EPCAM: variants seen among roughly 807,000 people sequenced by gnomAD.
EPCAM encodes the protein adenocarcinoma-associated antigen.
In EPCAM, 39 loss-of-function variants were observed where a neutral mutation model predicts 40.0. The observed-to-expected ratio is 0.98, with a 90% CI of 0.76 to 1.27. EPCAM has a LOEUF of 1.27. Ranked by LOEUF, EPCAM falls within the 50% of genes most tolerant of loss-of-function variation. EPCAM has a pLI of 0.00. For missense variants in EPCAM, 503 were observed against 381.2 expected (o/e 1.32, Z -2.66); for synonymous variants, 168 against 132.3 (o/e 1.27, Z -1.85).
At chr2:47,369,992 C>G (rs1329214582) in intron 1 of EPCAM, among the ~76,000 whole-genome samples, 1 of 152,218 alleles carries the variant, frequency 6.6e-6, no homozygotes, top group East Asian at 1.9e-4. Flanking sequence ...CAGGGACCAG[C>G]GGGCTCGCCC....
At chr2:47,372,107 A>G (rs111922035) in intron 1 of EPCAM, among the ~76,000 whole-genome samples, 2 of 152,320 alleles carry the variant, frequency 1.3e-5, no homozygotes, top group African/African-American at 4.8e-5. Context: ...GCTGCTTAGT[A>G]TCACTTTCCT....
At position 47,369,410 on chromosome 2, in the gene EPCAM, C is replaced by T; in HGVS notation, c.-96C>T. On this transcript the variant is annotated 5_prime_UTR_variant, in exon 1 of 9. Coordinates refer to ENST00000263735, the MANE Select transcript of EPCAM (RefSeq NM_002354.3). Reference sequence around the variant, plus strand: ...GCGGACCCGCGTGCCCCAGGCCTCGCGCTGCCCGGCCGGCTCCTCGTGTCC... The same window carrying T: ...GCGGACCCGCGTGCCCCAGGCCTCGTGCTGCCCGGCCGGCTCCTCGTGTCC... 2.4e-6 allele frequency: 3 copies of T among 1,257,562 alleles called. No individual in the cohort carries two copies. The highest frequency in any genetic ancestry group is 3.1e-6 in the Non-Finnish European group (3 of 970,738). 77.9% of individuals were successfully genotyped at this position (1,257,562 alleles called of 1,614,324 possible).
intron 4 of EPCAM, among the ~76,000 whole-genome samples, chr2:47,376,056 G>T (rs1265906530): frequency 1.3e-5 from 2 of 152,110 alleles, no homozygotes; most frequent in East Asian, 3.9e-4. Context: ...ATTGTCCTTT[G>T]TAGTAATTTT....
chr2:47,372,865 C>A (rs1671311530), intron 1 of EPCAM, among the ~76,000 whole-genome samples: 1 of 151,836 alleles, frequency 6.6e-6, no homozygotes, highest in South Asian at 2.1e-4. Context: ...TTCACAAAGA[C>A]AAAGCTAGAA....
intron 7 of EPCAM, among the ~76,000 whole-genome samples, chr2:47,380,326 A>T (rs1319091765): frequency 6.6e-6 from 1 of 152,170 alleles, no homozygotes; most frequent in African/African-American, 2.4e-5. Flanking sequence ...CAAAAAGAAG[A>T]AAAAAGGAAA....
chr2:47,373,414 G>C lies in EPCAM; in HGVS notation c.77-49G>C, dbSNP rs2103745330. On this transcript the variant is annotated intron_variant, in intron 1 of 8. Coordinates refer to ENST00000263735, the MANE Select transcript of EPCAM (RefSeq NM_002354.3). Reference sequence around the variant, plus strand: ...ACAATATAACTTAGCTGGGACATGAGAGTTAATAGATCCACATTTTAAAGT... The same window carrying C: ...ACAATATAACTTAGCTGGGACATGACAGTTAATAGATCCACATTTTAAAGT... The C allele has an allele frequency of 2.6e-6, 3 of 1,135,040 alleles. No homozygotes were observed. In the East Asian group the frequency reaches 7.5e-5, roughly 28 times the overall value. 70.3% of individuals were successfully genotyped at this position (1,135,040 alleles called of 1,614,324 possible).
At chr2:47,385,455 T>G (rs573085219) in intron 8 of EPCAM, among the ~76,000 whole-genome samples, 3 of 152,198 alleles carry the variant, frequency 2.0e-5, no homozygotes, top group Non-Finnish European at 4.4e-5. Flanking sequence ...GTTTTTATTC[T>G]ACAAAGAGTC....
chr2:47,375,845 A>C (rs1443261617), intron 4 of EPCAM, among the ~76,000 whole-genome samples: 1 of 151,822 alleles, frequency 6.6e-6, no homozygotes, highest in African/African-American at 2.4e-5. Flanking sequence ...AGCTGGGACT[A>C]CAGGTGCCTG....
At position 47,379,544 on chromosome 2, in the gene EPCAM, T is replaced by C. The variant is rs3923560; in HGVS notation, c.658-225T>C. 0.1 allele frequency among the ~76,000 whole-genome samples: 15,794 copies of C among 152,150 alleles called. 957 individuals are homozygous for C. The highest frequency in any genetic ancestry group is 0.25 in the East Asian group (1,303 of 5,166). ...ATGTGTTGTTGGCCTTGCATCTGGG[T>C]GATAGGTACATGGGCATCATTGCAC... On this transcript the variant is annotated intron_variant, in intron 6 of 8. Transcript: ENST00000263735.
At chr2:47,376,954 C>T (rs2103753029) in intron 4 of EPCAM, 60 bp from the exon 5 acceptor site, 1 of 1,126,184 alleles carries the variant, frequency 8.9e-7, no homozygotes, top group Non-Finnish European at 1.4e-6. Context: ...AAGAGTAGTG[C>T]TTCTTACTGT....
intron 1 of EPCAM, among the ~76,000 whole-genome samples, chr2:47,372,425 G>T (rs1671294785): frequency 6.6e-6 from 1 of 151,724 alleles, no homozygotes; most frequent in South Asian, 2.1e-4. Flanking sequence ...GTTACCTGAG[G>T]TCAGGAGTCC....
At chr2:47,386,431 T>C in intron 8 of EPCAM, 141 bp from the exon 9 acceptor site, 1 of 628,740 alleles carries the variant, frequency 1.6e-6, no homozygotes. Flanking sequence ...TTTTTCTTTT[T>C]TTATTTAAAT....
chr2:47,373,338 C>A (rs1671330611), intron 1 of EPCAM, 125 bp from the exon 2 acceptor site: 1 of 665,474 alleles, frequency 1.5e-6, no homozygotes, highest in South Asian at 1.8e-5. Context: ...ATAAAACATT[C>A]AGAACCACTT....
At chr2:47,381,320 C>T (rs528990991) in intron 7 of EPCAM, among the ~76,000 whole-genome samples, 1 of 143,444 alleles carries the variant, frequency 7.0e-6, no homozygotes, top group Non-Finnish European at 1.5e-5. Context: ...CACTTGAACC[C>T]AGGAGGTGGA....
intron 4 of EPCAM, among the ~76,000 whole-genome samples, 172 bp downstream of exon 4, chr2:47,375,471 A>G (rs538775210): frequency 2.0e-5 from 3 of 152,314 alleles, no homozygotes; most frequent in South Asian, 4.1e-4. Context: ...CTTCACTCAG[A>G]TTCACCAATT....
At chr2:47,379,725 G>T (rs375966033) in intron 6 of EPCAM, 44 bp from the exon 7 acceptor site, 2 of 1,605,592 alleles carry the variant, frequency 1.2e-6, no homozygotes, top group African/African-American at 2.7e-5. Flanking sequence ...GCCATGGTTG[G>T]TTTCCTTAAA....
Position 47,387,007 on chromosome 2 carries a change from C to A in EPCAM, c.*394C>A. The A allele has an allele frequency of 1.4e-5, 3 of 220,644 alleles. No individual in the cohort carries two copies. Among genetic ancestry groups the A allele is most frequent in the East Asian group, 6.7e-5 (1 of 14,844 alleles). 13.7% of individuals were successfully genotyped at this position (220,644 alleles called of 1,614,324 possible). On this transcript the variant is annotated 3_prime_UTR_variant, in exon 9 of 9. Coordinates refer to ENST00000263735, the MANE Select transcript of EPCAM (RefSeq NM_002354.3). ...CTTTTTTATGAGCTATGAAATAAAACATTTTAAACTGAATTTCTTAACTTT... is the reference window on the plus strand; with the variant it reads ...CTTTTTTATGAGCTATGAAATAAAAAATTTTAAACTGAATTTCTTAACTTT...
intron 8 of EPCAM, among the ~76,000 whole-genome samples, chr2:47,386,111 T>C (rs1671737168): frequency 6.6e-6 from 1 of 152,244 alleles, no homozygotes; most frequent in African/African-American, 2.4e-5. Context: ...GTTGGTCCCA[T>C]GCTTGCCACA....
chr2:47,376,254 C>CTT lies in EPCAM; in HGVS notation c.492-743_492-742dup, dbSNP rs57201109. On this transcript the variant is annotated intron_variant, in intron 4 of 8. Coordinates refer to ENST00000263735, the MANE Select transcript of EPCAM (RefSeq NM_002354.3). ...ATTTTGATTTGTCTGATATTTCCTC[C>CTT]TTTTTTTTTTTTTTTTTTGAGTTGG... Among the ~76,000 whole-genome samples, 1,224 of 128,298 alleles carry CTT rather than the reference C, an allele frequency of 9.5e-3. 37 individuals are homozygous for CTT. Among genetic ancestry groups the CTT allele is most frequent in the African/African-American group, 0.033 (1,091 of 32,728 alleles). 84.2% of individuals were successfully genotyped at this position (128,298 alleles called of 152,430 possible).
Sources: gnomAD v4.1 joint callset for allele counts (sites outside exome capture counted in the v4.1 genomes callset) on GRCh38, gnomAD v4.1.1 for gene constraint, MANE v1.5 for transcripts, NCBI Gene and HGNC (gene_info 2026-07-23, HGNC 2026-07-21) for gene names.